Variants in GALNT18 observed in about 807,000 individuals in gnomAD.
GALNT18 encodes polypeptide N-acetylgalactosaminyltransferase 18, also known as GalNAc-transferase 18.
GALNT18 carries 44 observed loss-of-function variants against 69.5 expected under a neutral mutation model. The observed-to-expected ratio is 0.63, with a 90% CI of 0.50 to 0.81. GALNT18 has a LOEUF of 0.81. Among genes scored for constraint, GALNT18 ranks in the 40% least tolerant of loss-of-function variants. The pLI, the probability that GALNT18 is intolerant of heterozygous loss-of-function variation, is 0.00. For synonymous variants in GALNT18, 364 were observed against 318.2 expected (o/e 1.14, Z -1.53); for missense variants, 715 against 810.0 (o/e 0.88, Z 1.42).
intron 1 of GALNT18, among the ~76,000 whole-genome samples, chr11:11,551,843 G>A (rs1180108594): frequency 6.6e-6 from 1 of 152,276 alleles, no homozygotes; most frequent in East Asian, 1.9e-4. Context: ...ATAGGCGGTG[G>A]AGTTAGGAGC....
chr11:11,390,177 A>G (rs1300167385), intron 3 of GALNT18, among the ~76,000 whole-genome samples: 3 of 152,120 alleles, frequency 2.0e-5, no homozygotes, highest in Non-Finnish European at 2.9e-5. Context: ...CCAGTTGTTC[A>G]TGGCTTACAA....
chr11:11,518,066 G>A (rs1186843831), intron 1 of GALNT18, among the ~76,000 whole-genome samples: 1 of 152,192 alleles, frequency 6.6e-6, no homozygotes, highest in Non-Finnish European at 1.5e-5. Flanking sequence ...CAAGGTGGCA[G>A]AGCCCTAAAG....
In GALNT18 at chr11:11,489,353, A is replaced by G. The variant is rs576755844; in HGVS notation, c.236-40417T>C. On this transcript the variant is annotated intron_variant, in intron 1 of 10. Coordinates refer to ENST00000227756, the MANE Select transcript of GALNT18 (RefSeq NM_198516.3). ...GGGCAGGTCTCAAGGATACGGTGCT[A>G]GGAGAGGACTAGTACACATTACATT... Among the ~76,000 whole-genome samples, 4 of 152,306 alleles carry G rather than the reference A, an allele frequency of 2.6e-5. No individual in the cohort carries two copies. In the South Asian group the frequency reaches 8.3e-4, roughly 32 times the overall value.
chr11:11,477,925 A>G (rs191055347), intron 1 of GALNT18, among the ~76,000 whole-genome samples: 100 of 152,356 alleles, frequency 6.6e-4, no homozygotes, highest in South Asian at 1.4e-3. Flanking sequence ...TAATTTTGCC[A>G]GAAAGTCCTA....
chr11:11,572,105 G>A (rs535303293), intron 1 of GALNT18, among the ~76,000 whole-genome samples: 75 of 152,354 alleles, frequency 4.9e-4, no homozygotes, highest in South Asian at 1.0e-3. Context: ...AGCTCTCCCT[G>A]TGCAAGCAGG....
chr11:11,481,085 C>T (rs997564834), intron 1 of GALNT18, among the ~76,000 whole-genome samples: 5 of 152,168 alleles, frequency 3.3e-5, no homozygotes, highest in Non-Finnish European at 7.4e-5. Context: ...CAGAGGGAAA[C>T]TCCAATGGAA....
chr11:11,311,608 T>C (rs1461302578), intron 9 of GALNT18, among the ~76,000 whole-genome samples: 2 of 152,110 alleles, frequency 1.3e-5, no homozygotes, highest in Non-Finnish European at 2.9e-5. Flanking sequence ...GAGACACTGA[T>C]AGAAGGAGGT....
At position 11,590,560 on chromosome 11, in the gene GALNT18, T is replaced by A. The variant is rs916351284; in HGVS notation, c.235+30799A>T. ...GCAACAGGGATATACTAGTGAGATA[T>A]CACTCCCAACTTGCTTTTGAATCTG... is the stretch of plus-strand genomic sequence containing the variant. On this transcript the variant is annotated intron_variant, in intron 1 of 10. Transcript: ENST00000227756. This position sits in a 1 kb window ranked among gnomAD's most constrained non-coding sequence, Gnocchi z 4.4. 6.6e-6 allele frequency among the ~76,000 whole-genome samples: 1 copy of A among 152,218 alleles called. No homozygotes were observed. The highest frequency in any genetic ancestry group is 2.4e-5 in the African/African-American group (1 of 41,462).
chr11:11,477,736 T>G (rs1245279350), intron 1 of GALNT18, among the ~76,000 whole-genome samples: 3 of 152,198 alleles, frequency 2.0e-5, no homozygotes, highest in Non-Finnish European at 4.4e-5. Flanking sequence ...AAAGTCATGG[T>G]CTTGTCTGAA....
At chr11:11,346,464 G>A (rs981304440) in intron 6 of GALNT18, among the ~76,000 whole-genome samples, 2 of 152,174 alleles carry the variant, frequency 1.3e-5, no homozygotes, top group Non-Finnish European at 2.9e-5. Flanking sequence ...TCAAACTCAA[G>A]TGGTTTTTCA....
intron 1 of GALNT18, among the ~76,000 whole-genome samples, chr11:11,510,952 C>T (rs1269099967): frequency 1.3e-5 from 2 of 152,096 alleles, no homozygotes; most frequent in African/African-American, 4.8e-5. Context: ...CTCTACATGC[C>T]TCTCTGTAGC....
At chr11:11,449,802 GATA>G (rs1181044506) in intron 1 of GALNT18, among the ~76,000 whole-genome samples, 2 of 152,224 alleles carry the variant, frequency 1.3e-5, no homozygotes. Context: ...AGAATGCAGA[GATA>G]ATAATACCCA....
rs1315495405 is a variant in GALNT18, at chr11:11,601,335, C to G, written c.235+20024G>C. ...GCTACTTCAGTGAAGTCCTTTTCCC[C>G]CAACAGTGTGTAGTCTCTAATACTA... On this transcript the variant is annotated intron_variant, in intron 1 of 10. Transcript: ENST00000227756. The surrounding 1 kb of genome is among the most constrained non-coding windows in gnomAD (Gnocchi z 4.0). Among the ~76,000 whole-genome samples the G allele has an allele frequency of 2.0e-5, 3 of 152,214 alleles. No homozygotes were observed. The highest frequency in any genetic ancestry group is 2.0e-4 in the Admixed American group (3 of 15,284).
At chr11:11,363,645 G>A (rs1212020557) in intron 6 of GALNT18, among the ~76,000 whole-genome samples, 1 of 152,168 alleles carries the variant, frequency 6.6e-6, no homozygotes, top group Non-Finnish European at 1.5e-5. Context: ...AGATCATCAT[G>A]AATGCCTGAA....
chr11:11,319,935 T>C (rs1849815389), intron 9 of GALNT18, among the ~76,000 whole-genome samples: 1 of 152,224 alleles, frequency 6.6e-6, no homozygotes, highest in South Asian at 2.1e-4. Flanking sequence ...CAGATTTTGT[T>C]CTCTAAACGC....
intron 1 of GALNT18, among the ~76,000 whole-genome samples, chr11:11,560,543 A>G (rs1426470865): frequency 6.6e-6 from 1 of 152,188 alleles, no homozygotes; most frequent in East Asian, 1.9e-4. Context: ...AGTCCTGCCT[A>G]TGGAAGAAGC....
At chr11:11,557,229 A>G (rs973823174) in intron 1 of GALNT18, among the ~76,000 whole-genome samples, 1 of 152,170 alleles carries the variant, frequency 6.6e-6, no homozygotes, top group Non-Finnish European at 1.5e-5. Flanking sequence ...ATGTTTCAGT[A>G]TTGGAGTTTT....
rs936747558 is a variant in GALNT18, at chr11:11,563,262, G to A, written c.235+58097C>T. On this transcript the variant is annotated intron_variant, in intron 1 of 10. Coordinates refer to ENST00000227756, the MANE Select transcript of GALNT18 (RefSeq NM_198516.3). The surrounding 1 kb of genome is among the most constrained non-coding windows in gnomAD (Gnocchi z 4.6). ...CGGATCAAGAGACTTGGCTCTTCCT[G>A]GCTTTGTTCTCATAGGGCAATTTCA... Among the ~76,000 whole-genome samples, 3 of 152,094 alleles carry A rather than the reference G, an allele frequency of 2.0e-5. No individual in the cohort carries two copies. Among genetic ancestry groups the A allele is most frequent in the East Asian group, 3.9e-4 (2 of 5,186 alleles).
chr11:11,325,000 A>G (rs2133041983), intron 9 of GALNT18, among the ~76,000 whole-genome samples: 1 of 152,342 alleles, frequency 6.6e-6, no homozygotes, highest in African/African-American at 2.4e-5. Flanking sequence ...CAATCCCACT[A>G]CTGGGTATCT....
Sources: allele counts gnomAD v4.1 joint callset (sites outside exome capture counted in the v4.1 genomes callset), GRCh38; gene constraint gnomAD v4.1.1; non-coding constraint Gnocchi (gnomAD v3.1); transcripts MANE v1.5; gene names NCBI Gene and HGNC (gene_info 2026-07-23, HGNC 2026-07-21).